The following VWA5B1 variants were observed in gnomAD, a reference collection of about 807,000 sequenced individuals.
VWA5B1 encodes von Willebrand factor A domain containing 5B1, also known as von Willebrand factor A domain-containing protein 5B1.
VWA5B1 carries 115 observed loss-of-function variants against 118.2 expected under a neutral mutation model. The ratio of observed to expected loss-of-function variants is 0.97; its 90% CI spans 0.84 to 1.14. The LOEUF (loss-of-function observed/expected upper bound fraction) is 1.14. Among genes scored for constraint, VWA5B1 ranks in the 50% most tolerant of loss-of-function variants. The pLI is 0.00. For synonymous variants in VWA5B1, 682 were observed against 658.4 expected, an observed-to-expected ratio of 1.04 and a Z score of -0.55; for missense variants, 1,596 against 1,603.8, an observed-to-expected ratio of 1.00 and a Z score of 0.08.
chr1:20,326,461 TTTTTG>T (rs1052426483), intron 8 of VWA5B1, among the ~76,000 whole-genome samples: 3 of 152,092 alleles, frequency 2.0e-5, no homozygotes, highest in Admixed American at 6.5e-5. Flanking sequence ...CTGTGGGGTT[TTTTTG>T]TTTTGTTTTG....
At chr1:20,292,801 C>T (rs1028096504) in intron 1 of VWA5B1, among the ~76,000 whole-genome samples, 1 of 152,214 alleles carries the variant, frequency 6.6e-6, no homozygotes, top group Non-Finnish European at 1.5e-5. Flanking sequence ...TCAGTTGTCT[C>T]CAATCCAGCC....
At chr1:20,332,479 CAAAATAAAAT>C (rs56767113) in intron 11 of VWA5B1, among the ~76,000 whole-genome samples, 8,860 of 88,588 alleles carry the variant, frequency 0.1, 685 homozygotes, top group African/African-American at 0.22. Context: ...GACTCTGTCT[CAAAATAAAAT>C]AAAATAAAAT....
At chr1:20,310,966 T>C (rs767253796) in intron 2 of VWA5B1, among the ~76,000 whole-genome samples, 7 of 152,228 alleles carry the variant, frequency 4.6e-5, no homozygotes, top group Non-Finnish European at 7.3e-5. Flanking sequence ...CCCAGCCAAC[T>C]GTCCCTGCAC....
chr1:20,330,490 C>T (rs1391937088), intron 10 of VWA5B1, 108 bp downstream of exon 10: 10 of 1,308,000 alleles, frequency 7.6e-6, no homozygotes, highest in African/African-American at 7.4e-5. Flanking sequence ...ATAGGACCCA[C>T]AATTCCCAAA....
chr1:20,341,694 T>G (rs1374434406), intron 14 of VWA5B1, among the ~76,000 whole-genome samples: 1 of 152,252 alleles, frequency 6.6e-6, no homozygotes, highest in Non-Finnish European at 1.5e-5. Flanking sequence ...TTGTCATGAC[T>G]ATTGCAAATG....
At position 20,356,394 on chromosome 1, in the gene VWA5B1, G is replaced by A. The variant is rs1054692882; in HGVS notation, c.*2131G>A. On this transcript the variant is annotated 3_prime_UTR_variant, in exon 22 of 22. Transcript: ENST00000289815. ...GAACATGAATTTGCTTGAGTTCTCT[G>A]TGTGACCTTGAACAAGTGGCGTGTG... Among the ~76,000 whole-genome samples, 1 of 152,166 alleles carries A rather than the reference G, an allele frequency of 6.6e-6. No homozygotes were observed. The highest frequency in any genetic ancestry group is 1.5e-5 in the Non-Finnish European group (1 of 68,042).
At chr1:20,308,230 G>A (rs1415395342) in intron 1 of VWA5B1, among the ~76,000 whole-genome samples, 1 of 144,160 alleles carries the variant, frequency 6.9e-6, no homozygotes, top group Non-Finnish European at 1.5e-5. Context: ...ATAACTGCAT[G>A]ACATTCCTAA....
chr1:20,291,334 T>G (rs1039682984), intron 1 of VWA5B1, among the ~76,000 whole-genome samples: 13 of 141,778 alleles, frequency 9.2e-5, no homozygotes, highest in African/African-American at 3.4e-4. Context: ...TCCAGCTCTC[T>G]CTCTCTCTTT....
At chr1:20,291,359 TTCTCTCTCTCTC>T (rs67596546) in intron 1 of VWA5B1, among the ~76,000 whole-genome samples, 1 of 103,342 alleles carries the variant, frequency 9.7e-6, no homozygotes, top group Admixed American at 1.0e-4. Context: ...CTTTCTTTCT[TTCTCTCTCTCTC>T]TCTCTCTCTC....
chr1:20,311,224 C>T (rs978933040), intron 2 of VWA5B1, among the ~76,000 whole-genome samples: 2 of 152,226 alleles, frequency 1.3e-5, no homozygotes, highest in Non-Finnish European at 2.9e-5. Context: ...CCACCCACCT[C>T]GGCCTCCCGA....
chr1:20,336,519 C>T (rs999116033), intron 13 of VWA5B1, 33 bp downstream of exon 13: 10 of 1,322,484 alleles, frequency 7.6e-6, no homozygotes, highest in East Asian at 2.9e-5. Flanking sequence ...TGCTGCCTTA[C>T]ATTGAGCACT....
intron 14 of VWA5B1, 129 bp downstream of exon 14, chr1:20,337,965 C>T: frequency 8.3e-7 from 1 of 1,209,358 alleles, no homozygotes; most frequent in South Asian, 1.3e-5. Context: ...CTCCCTCTTT[C>T]CTTCCCTAGG....
rs188071046 is a variant in VWA5B1 at position 20,291,841 on chromosome 1, G to A, written c.-27+753G>A. The stretch of plus-strand genomic sequence containing the variant: ...CTAGTGGAGAGGAACTCAGCAGCGG[G>A]TGCAGTGTGGCGCCTGCTAACGCAT... On this transcript the variant is annotated intron_variant, in intron 1 of 21. Coordinates refer to ENST00000289815, the MANE Select transcript of VWA5B1 (RefSeq NM_001039500.3). 2.8e-4 allele frequency among the ~76,000 whole-genome samples: 43 copies of A among 152,326 alleles called. No homozygotes were observed. The East Asian group carries it at 8.3e-3, about 30-fold the overall frequency.
chr1:20,327,745 G>A, intron 8 of VWA5B1, 145 bp from the exon 9 acceptor site: 1 of 705,758 alleles, frequency 1.4e-6, no homozygotes, highest in Non-Finnish European at 2.4e-6. Context: ...TGATGTGAGG[G>A]AAAAGGAGTT....
At chr1:20,301,089 G>A (rs1053543506) in intron 1 of VWA5B1, among the ~76,000 whole-genome samples, 5 of 152,256 alleles carry the variant, frequency 3.3e-5, no homozygotes, top group Non-Finnish European at 5.9e-5. Context: ...GGACCTCAGA[G>A]AGAAGGGAAG....
intron 1 of VWA5B1, among the ~76,000 whole-genome samples, chr1:20,294,671 G>T (rs916098865): frequency 6.6e-6 from 1 of 151,504 alleles, no homozygotes; most frequent in Non-Finnish European, 1.5e-5. Flanking sequence ...TAGAGACGGG[G>T]TTTCTCCATG....
chr1:20,351,133 A>C (rs919900660), intron 20 of VWA5B1, among the ~76,000 whole-genome samples: 1 of 152,114 alleles, frequency 6.6e-6, no homozygotes, highest in Non-Finnish European at 1.5e-5. Context: ...TATCTCCCAC[A>C]CTTCCAAGAT....
rs1292468094 is a variant in VWA5B1, at chr1:20,357,093, C to G, written c.*2830C>G. Among the ~76,000 whole-genome samples the G allele has an allele frequency of 6.6e-6, 1 of 152,132 alleles. No homozygotes were observed. Among genetic ancestry groups the G allele is most frequent in the Non-Finnish European group, 1.5e-5 (1 of 68,024 alleles). ...TAGGTCATACAAAGGAATATTTATG[C>G]CCTGCACTGTCTGAAGAAAGGGCTA... is the stretch of plus-strand genomic sequence containing the variant. On this transcript the variant is annotated 3_prime_UTR_variant, in exon 22 of 22. Transcript: ENST00000289815.
intron 9 of VWA5B1, among the ~76,000 whole-genome samples, chr1:20,328,819 A>T (rs1011774941): frequency 2.6e-5 from 4 of 152,046 alleles, no homozygotes; most frequent in Non-Finnish European, 4.4e-5. Flanking sequence ...TCAAAAACAA[A>T]TTTTTTTTAA....
Sources: allele counts gnomAD v4.1 joint callset (sites outside exome capture counted in the v4.1 genomes callset), GRCh38; gene constraint gnomAD v4.1.1; transcripts MANE v1.5; gene names NCBI Gene and HGNC (gene_info 2026-07-23, HGNC 2026-07-21).